The following SMIM27 variants were observed in gnomAD, a reference collection of about 807,000 sequenced individuals.
The protein encoded by SMIM27 is TOPORS antisense RNA 1 (non-protein coding).
Under a neutral mutation model 1.8 loss-of-function variants are expected in SMIM27, and 3 were observed. The observed-to-expected ratio is 1.65, with a 90% CI of 0.75 to 4.28. SMIM27 has a LOEUF of 4.28. Among genes scored for constraint, SMIM27 ranks in the 30% most tolerant of loss-of-function variants. The pLI is 0.02. For missense variants in SMIM27, 63 were observed against 37.0 expected (o/e 1.70, Z -1.83); for synonymous variants, 19 against 13.9 (o/e 1.37, Z -0.82).
At chr9:32,565,177 C>T (rs1821745136) in intron 1 of SMIM27, among the ~76,000 whole-genome samples, 1 of 151,946 alleles carries the variant, frequency 6.6e-6, no homozygotes, top group Non-Finnish European at 1.5e-5. Context: ...CCTGTAATCC[C>T]AGCTACTTGG....
upstream of SMIM27, chr9:32,551,861 T>G (rs1821275102): frequency 2.4e-6 from 1 of 425,204 alleles, no homozygotes; most frequent in Admixed American, 2.6e-5. Flanking sequence ...TATACGTTTC[T>G]GAAGAATGGC....
downstream of SMIM27, among the ~76,000 whole-genome samples, chr9:32,554,100 T>C (rs565915019): frequency 6.6e-6 from 1 of 152,304 alleles, no homozygotes; most frequent in South Asian, 2.1e-4. Context: ...GCTGACTAAA[T>C]CTGAACAATC....
At chr9:32,566,341 C>A in intron 1 of SMIM27, 1 of 1,175,598 alleles carries the variant, frequency 8.5e-7, no homozygotes, top group Admixed American at 1.7e-5. Context: ...TTAACTGCTT[C>A]CACCAGTGTA....
intron 1 of SMIM27, chr9:32,558,761 G>A: frequency 2.1e-6 from 1 of 470,426 alleles, no homozygotes; most frequent in Non-Finnish European, 3.7e-6. Context: ...TTTTTGTTTT[G>A]TTTTGTTTTT....
At chr9:32,566,246 G>A in intron 1 of SMIM27, 1 of 1,002,472 alleles carries the variant, frequency 1.0e-6, no homozygotes. Flanking sequence ...GTTTTCTTAT[G>A]GCAGACAACA....
chr9:32,561,394 C>G (rs13295526), intron 1 of SMIM27, among the ~76,000 whole-genome samples: 15,680 of 151,786 alleles, frequency 0.1, 1,034 homozygotes, highest in Middle Eastern at 0.28. Context: ...GTGGCCCAAT[C>G]TCGACTCACT....
chr9:32,555,060 A>G (rs17290697), downstream of SMIM27, among the ~76,000 whole-genome samples: 528 of 151,986 alleles, frequency 3.5e-3, 1 homozygote, highest in African/African-American at 7.7e-3. Context: ...ACGAGAGAAC[A>G]CTTTGGTGCA....
At chr9:32,559,789 T>C (rs911327313) in intron 1 of SMIM27, among the ~76,000 whole-genome samples, 1 of 152,084 alleles carries the variant, frequency 6.6e-6, no homozygotes, top group Non-Finnish European at 1.5e-5. Flanking sequence ...ATATACCTCT[T>C]TGTTTATATA....
At chr9:32,551,287 C>A (rs1419061370), upstream of SMIM27, 4 of 519,722 alleles carry the variant, frequency 7.7e-6, no homozygotes, top group East Asian at 1.4e-4. Flanking sequence ...TTCAACCTTA[C>A]CAAACTCTGC....
At chr9:32,558,973 C>G (rs199908732) in intron 1 of SMIM27, 6 of 1,551,352 alleles carry the variant, frequency 3.9e-6, no homozygotes, top group Non-Finnish European at 5.3e-6. Context: ...AAAGTTAACT[C>G]TGTGTTAATT....
chr9:32,555,267 G>C (rs1408948312), downstream of SMIM27, among the ~76,000 whole-genome samples: 3 of 152,082 alleles, frequency 2.0e-5, no homozygotes, highest in East Asian at 5.8e-4. Context: ...AAAAAATCAG[G>C]ACCTTGTGGT....
chr9:32,553,534 C>CATT (rs1156590919), downstream of SMIM27: 2 of 217,680 alleles, frequency 9.2e-6, no homozygotes, highest in African/African-American at 4.7e-5. Flanking sequence ...GCTGTTCTTA[C>CATT]ATTTGTTTAT....
chr9:32,566,585 G>A lies in SMIM27; in HGVS notation c.*132G>A, dbSNP rs1109632. The A allele has an allele frequency of 7.0e-3, 5,467 of 783,458 alleles. 46 individuals carry two copies. The highest frequency in any genetic ancestry group is 6.2e-3 in the Non-Finnish European group (2,633 of 422,886). 48.5% of individuals were successfully genotyped at this position (783,458 alleles called of 1,614,324 possible). A position where few individuals can be genotyped will look rare whatever the true frequency, so the allele number is the denominator to read the frequency against. On this transcript the variant is annotated 3_prime_UTR_variant, in exon 2 of 2. Transcript: ENST00000451672. ...GCACAGACTGGAGCTTCTGGCACAT[G>A]GAGCGGAGGACCCGCAGGAATTCCT...
In SMIM27 at chr9:32,552,392, G is replaced by T. The variant is rs1240339415; in HGVS notation, c.-43G>T. 6.2e-7 allele frequency: 1 copy of T among 1,606,606 alleles called. No homozygotes were observed. The highest frequency in any genetic ancestry group is 1.7e-5 in the Admixed American group (1 of 59,154). On this transcript the variant is annotated 5_prime_UTR_variant, in exon 1 of 2. Coordinates refer to ENST00000692500, the MANE Select transcript of SMIM27 (RefSeq NM_001387564.1). ...CGCCTGGGAGGTTACTGTAAGGCCC[G>T]CAGCTCCCGCCAGCTCCCGCGGACT...
chr9:32,563,155 A>G (rs1205250500), intron 1 of SMIM27, among the ~76,000 whole-genome samples: 1 of 152,200 alleles, frequency 6.6e-6, no homozygotes, highest in Non-Finnish European at 1.5e-5. Context: ...TTCTTATTGC[A>G]GCCTATCAAG....
intron 1 of SMIM27, 123 bp downstream of exon 1, chr9:32,552,602 T>G (rs754710015): frequency 3.7e-6 from 3 of 821,274 alleles, no homozygotes; most frequent in African/African-American, 1.7e-5. Context: ...TTTCACTCCC[T>G]CACCTCGACT....
At chr9:32,552,558 C>G in intron 1 of SMIM27, 79 bp downstream of exon 1, 2 of 1,270,130 alleles carry the variant, frequency 1.6e-6, no homozygotes, top group Non-Finnish European at 2.2e-6. Context: ...TCTTCAGCAC[C>G]CAGAAACTCC....
intron 1 of SMIM27, among the ~76,000 whole-genome samples, chr9:32,564,814 C>G (rs912518532): frequency 2.0e-5 from 3 of 152,196 alleles, no homozygotes; most frequent in African/African-American, 7.2e-5. Flanking sequence ...CACAGAAACA[C>G]TTTCTTCATA....
downstream of SMIM27, chr9:32,553,683 T>C (rs79212611): frequency 1.9e-6 from 1 of 536,814 alleles, no homozygotes; most frequent in African/African-American, 1.9e-5. Flanking sequence ...AGGTAGTCTC[T>C]CATATTTGTT....
Sources: gnomAD v4.1 joint callset for allele counts (sites outside exome capture counted in the v4.1 genomes callset) on GRCh38, gnomAD v4.1.1 for gene constraint, MANE v1.5 for transcripts, NCBI Gene and HGNC (gene_info 2026-07-23, HGNC 2026-07-21) for gene names.